AGBL4: variants seen among roughly 807,000 people sequenced by gnomAD.
The protein encoded by AGBL4 is cytosolic carboxypeptidase 6.
AGBL4 carries 58 observed loss-of-function variants against 66.4 expected under a neutral mutation model. The ratio of observed to expected loss-of-function variants is 0.87; its 90% CI spans 0.71 to 1.09. The LOEUF is 1.09. Among genes scored for constraint, AGBL4 ranks in the 50% least tolerant of loss-of-function variants. The probability of loss-of-function intolerance (pLI) is 0.00; values close to 1 mark genes in which losing one functional copy is unlikely to be tolerated. For missense variants in AGBL4, 579 were observed against 631.0 expected (o/e 0.92, Z 0.88); for synonymous variants, 234 against 222.9 (o/e 1.05, Z -0.44).
At chr1:48,534,320 G>A in intron 13 of AGBL4, 27 bp from the exon 14 acceptor site, 3 of 1,543,600 alleles carry the variant, frequency 1.9e-6, no homozygotes, top group Non-Finnish European at 2.6e-6. Flanking sequence ...AACAGAAAGA[G>A]AGAAGACAGC....
chr1:49,233,625 A>T (rs1446931124), intron 4 of AGBL4, among the ~76,000 whole-genome samples: 1 of 152,186 alleles, frequency 6.6e-6, no homozygotes, highest in African/African-American at 2.4e-5. Flanking sequence ...GTGCACAAAT[A>T]ACTGTAATTT....
intron 2 of AGBL4, among the ~76,000 whole-genome samples, chr1:49,753,205 C>T (rs1651614203): frequency 6.6e-6 from 1 of 152,162 alleles, no homozygotes; most frequent in Non-Finnish European, 1.5e-5. Context: ...CTGGCTGGTA[C>T]TGGTTTATGC....
At chr1:49,927,197 C>A (rs1318347598) in intron 1 of AGBL4, among the ~76,000 whole-genome samples, 2 of 152,202 alleles carry the variant, frequency 1.3e-5, no homozygotes, top group African/African-American at 2.4e-5. Flanking sequence ...AACACCCTCA[C>A]AGACACACCC....
At chr1:48,747,247 T>G (rs1225857833) in intron 6 of AGBL4, among the ~76,000 whole-genome samples, 1 of 152,164 alleles carries the variant, frequency 6.6e-6, no homozygotes, top group Non-Finnish European at 1.5e-5. Context: ...TAGGAATTTT[T>G]TTTTAAAAAA....
intron 3 of AGBL4, among the ~76,000 whole-genome samples, chr1:49,248,918 G>A (rs1651842593): frequency 6.6e-6 from 1 of 152,046 alleles, no homozygotes. Flanking sequence ...TCAGAGCTCT[G>A]TAAATAGTGA....
intron 3 of AGBL4, among the ~76,000 whole-genome samples, chr1:49,626,418 C>T (rs560225688): frequency 6.6e-6 from 1 of 152,202 alleles, no homozygotes; most frequent in South Asian, 2.1e-4. Context: ...ACATAAGAAC[C>T]TTAATAGTGG....
At chr1:48,835,951 T>C (rs1032370491) in intron 6 of AGBL4, among the ~76,000 whole-genome samples, 1 of 151,984 alleles carries the variant, frequency 6.6e-6, no homozygotes, top group African/African-American at 2.4e-5. Flanking sequence ...CCTGAAAATC[T>C]TGGAAAGTCA....
At chr1:48,753,233 C>G (rs1203940339) in intron 6 of AGBL4, among the ~76,000 whole-genome samples, 2 of 152,240 alleles carry the variant, frequency 1.3e-5, no homozygotes, top group African/African-American at 4.8e-5. Context: ...AATCACTGAG[C>G]TGGTTCTCCT....
chr1:48,916,942 A>G lies in AGBL4; in HGVS notation c.595-49712T>C, dbSNP rs553471446. 3.9e-5 allele frequency among the ~76,000 whole-genome samples: 6 copies of G among 152,336 alleles called. No homozygotes were observed. The South Asian group carries it at 1.2e-3, about 32-fold the overall frequency. On this transcript the variant is annotated intron_variant, in intron 5 of 13. Transcript: ENST00000371839. ...ACTTGTAGAATTAGCAGCAATTTAA[A>G]TTTAAATTCTATTTGTATAAATTTT...
At chr1:49,400,075 T>G (rs940751693) in intron 3 of AGBL4, among the ~76,000 whole-genome samples, 2 of 151,940 alleles carry the variant, frequency 1.3e-5, no homozygotes, top group African/African-American at 4.8e-5. Context: ...TATGGTGAGA[T>G]TCTAGTTTCA....
intron 11 of AGBL4, among the ~76,000 whole-genome samples, chr1:48,564,784 A>G (rs1413370083): frequency 6.6e-6 from 1 of 152,230 alleles, no homozygotes. Flanking sequence ...CCAACTCACC[A>G]GACAACAAAA....
At chr1:48,964,214 T>G (rs967377349) in intron 5 of AGBL4, among the ~76,000 whole-genome samples, 1 of 152,216 alleles carries the variant, frequency 6.6e-6, no homozygotes, top group East Asian at 1.9e-4. Flanking sequence ...AAGTTCCAAC[T>G]GATCCTACTG....
intron 5 of AGBL4, among the ~76,000 whole-genome samples, chr1:48,949,912 C>T (rs1299184328): frequency 6.6e-6 from 1 of 152,132 alleles, no homozygotes; most frequent in Non-Finnish European, 1.5e-5. Flanking sequence ...AGGAAATTCT[C>T]ATCTAGGGCA....
chr1:49,447,471 T>A (rs1646184769), intron 3 of AGBL4, among the ~76,000 whole-genome samples: 3 of 152,142 alleles, frequency 2.0e-5, no homozygotes, highest in Admixed American at 2.0e-4. Context: ...ATATGCAAGC[T>A]GTGGTTCCCA....
intron 3 of AGBL4, among the ~76,000 whole-genome samples, chr1:49,266,436 C>T (rs976611447): frequency 6.6e-6 from 1 of 151,878 alleles, no homozygotes; most frequent in African/African-American, 2.4e-5. Flanking sequence ...GACAGCATTT[C>T]CTACATGGAA....
intron 2 of AGBL4, among the ~76,000 whole-genome samples, chr1:49,704,558 C>T (rs1326672921): frequency 6.6e-6 from 1 of 151,938 alleles, no homozygotes; most frequent in African/African-American, 2.4e-5. Context: ...TTTTATTGTT[C>T]TAGGTCTTAC....
intron 5 of AGBL4, among the ~76,000 whole-genome samples, chr1:48,937,574 A>T (rs762233402): frequency 2.2e-4 from 33 of 152,176 alleles, no homozygotes; most frequent in Non-Finnish European, 4.1e-4. Flanking sequence ...GGATCTGTTA[A>T]GTTGCCTGCA....
intron 2 of AGBL4, among the ~76,000 whole-genome samples, chr1:49,850,693 T>G (rs1646281814): frequency 6.6e-6 from 1 of 152,120 alleles, no homozygotes; most frequent in South Asian, 2.1e-4. Flanking sequence ...CACATACACA[T>G]ACTTATGCAC....
chr1:49,778,242 C>T (rs1644246813), intron 2 of AGBL4, among the ~76,000 whole-genome samples: 1 of 152,088 alleles, frequency 6.6e-6, no homozygotes, highest in Admixed American at 6.6e-5. Flanking sequence ...ATGGGCAATC[C>T]AAGAAGACTA....
Sources: gnomAD v4.1 joint callset for allele counts (sites outside exome capture counted in the v4.1 genomes callset) on GRCh38, gnomAD v4.1.1 for gene constraint, MANE v1.5 for transcripts, NCBI Gene and HGNC (gene_info 2026-07-23, HGNC 2026-07-21) for gene names.